ARFGAP2: variants seen among roughly 807,000 people sequenced by gnomAD.
ARFGAP2 encodes the protein ARF GTPase activating protein 2.
A neutral mutation model predicts 71.9 loss-of-function variants in ARFGAP2; 45 were observed. The ratio of observed to expected loss-of-function variants is 0.63; its 90% CI spans 0.49 to 0.80. The LOEUF is 0.80. ARFGAP2 is among the 30% of genes least tolerant of loss of function. ARFGAP2 has a pLI of 0.00. For missense variants in ARFGAP2, 633 were observed against 673.9 expected (o/e 0.94, Z 0.67); for synonymous variants, 248 against 249.2 (o/e 1.00, Z 0.05).
chr11:47,171,727 T>A lies in ARFGAP2; in HGVS notation c.746A>T (p.Gln249Leu). The change falls in exon 9 of 16, where the codon CAG (glutamine) becomes CTG (leucine). Residue 249 changes from glutamine (Q) to leucine (L), a missense_variant. By Grantham distance (113) the Gln-to-Leu change is moderately radical. Coordinates refer to ENST00000524782, the MANE Select transcript of ARFGAP2 (RefSeq NM_032389.6). ...QSFSEIERQA[Q>L]VAEKLREQQA... ...CTGCTCACGGAGCTTCTCTGCCACC[T>A]GAGCCTGCCGCTCAATCTCACTGAA... 6.2e-7 allele frequency: 1 copy of A among 1,613,976 alleles called. No individual in the cohort carries two copies. The highest frequency in any genetic ancestry group is 8.5e-7 in the Non-Finnish European group (1 of 1,180,050).
At position 47,168,116 on chromosome 11, in the gene ARFGAP2, G is replaced by A. The variant is rs1011764172; in HGVS notation, c.1070+7C>T. On this transcript the variant is annotated splice_region_variant and intron_variant, in intron 11 of 15. Coordinates refer to ENST00000524782, the MANE Select transcript of ARFGAP2 (RefSeq NM_032389.6). ...CAGCCAAGTTTACAGCTAGAAAACA[G>A]CCTTACTTTGGGGGTCCAGAGGCGA... 4 of 1,614,066 alleles carry A rather than the reference G, an allele frequency of 2.5e-6. No homozygotes were observed. Among genetic ancestry groups the A allele is most frequent in the Non-Finnish European group, 3.4e-6 (4 of 1,180,046 alleles).
At chr11:47,166,954 C>A in intron 12 of ARFGAP2, 68 bp from the exon 13 acceptor site, 1 of 1,556,270 alleles carries the variant, frequency 6.4e-7, no homozygotes, top group Non-Finnish European at 8.7e-7. Flanking sequence ...GTACAGAGGC[C>A]AAACAGAGCA....
chr11:47,166,827 C>G lies in ARFGAP2; in HGVS notation c.1265G>C (p.Arg422Pro). Reference protein sequence around the residue: ...RSSGLESSEARQKFAGAKAIS... With the variant: ...RSSGLESSEAPQKFAGAKAIS... Reference sequence around the variant, plus strand: ...GGCTTTGGCTCCTGCGAATTTCTGACGCGCCTCACTAGACTCGAGGCCTGA... The same window carrying G: ...GGCTTTGGCTCCTGCGAATTTCTGAGGCGCCTCACTAGACTCGAGGCCTGA... Residue 422 changes from arginine to proline, a missense_variant, in exon 13 of 16, where the codon CGT (arginine) becomes CCT (proline). Arg to Pro is a moderately radical substitution (Grantham distance 103). Transcript: ENST00000524782. 1 of 1,614,098 alleles carries G rather than the reference C, an allele frequency of 6.2e-7. No individual in the cohort carries two copies. Among genetic ancestry groups the G allele is most frequent in the Non-Finnish European group, 8.5e-7 (1 of 1,180,026 alleles).
Position 47,172,336 on chromosome 11 carries a change from G to C in ARFGAP2, c.620-3C>G. 6.2e-7 allele frequency: 1 copy of C among 1,614,150 alleles called. No individual in the cohort carries two copies. Among genetic ancestry groups the C allele is most frequent in the Non-Finnish European group, 8.5e-7 (1 of 1,180,028 alleles). On this transcript the variant is annotated splice_polypyrimidine_tract_variant and splice_region_variant and intron_variant, in intron 7 of 15. Transcript: ENST00000524782. ...GCCAATGATGGAGCTTTTCAGTTCT[G>C]CGTGAGAAACGGGTAGGCATGAGCT... is the stretch of plus-strand genomic sequence containing the variant.
intron 1 of ARFGAP2, 71 bp from the exon 2 acceptor site, chr11:47,176,705 CAT>C (rs765456962): frequency 3.1e-6 from 5 of 1,611,778 alleles, no homozygotes; most frequent in Non-Finnish European, 4.2e-6. Flanking sequence ...ACCCCAGAAA[CAT>C]AACCCACCTC....
At chr11:47,172,698 G>A (rs957533219) in intron 7 of ARFGAP2, 2 of 1,306,286 alleles carry the variant, frequency 1.5e-6, no homozygotes, top group African/African-American at 1.5e-5. Context: ...TCCCCAAGCA[G>A]CTGTCAGTTA....
intron 7 of ARFGAP2, chr11:47,172,846 G>C: frequency 8.7e-7 from 1 of 1,151,734 alleles, no homozygotes; most frequent in South Asian, 1.3e-5. Context: ...CCCTGCTTCA[G>C]ACCAAGCTAT....
rs769865065 is a variant in ARFGAP2, at chr11:47,171,647, C to T, written c.809+17G>A. 1.2e-5 allele frequency: 20 copies of T among 1,613,770 alleles called. No individual in the cohort carries two copies. Among genetic ancestry groups the T allele is most frequent in the Middle Eastern group, 1.6e-4 (1 of 6,062 alleles). ...CAAGCCCCGCAGAAGCCTGAGGCCC[C>T]GGCAGCAAACACTTACATGGACTCC... On this transcript the variant is annotated intron_variant, in intron 9 of 15. Transcript: ENST00000524782.
At position 47,176,441 on chromosome 11, in the gene ARFGAP2, G is replaced by A. The variant is rs899895759; in HGVS notation, c.191+75C>T. ...CGAATTCAGAGCGGCCCAAGTCGAG[G>A]CAGCCACTCTCCCTTGTTGCCCAGA... On this transcript the variant is annotated intron_variant, in intron 2 of 15. Transcript: ENST00000524782. 8.6e-6 allele frequency: 12 copies of A among 1,397,550 alleles called. No individual in the cohort carries two copies. The South Asian group carries it at 1.4e-4, about 16-fold the overall frequency. The allele number at this position is 1,397,550 out of a possible 1,614,324, so 86.6% of individuals were successfully genotyped here. A position where few individuals can be genotyped will look rare whatever the true frequency, so the allele number is the denominator to read the frequency against.
At chr11:47,172,435 C>A in intron 7 of ARFGAP2, 102 bp from the exon 8 acceptor site, 1 of 1,412,156 alleles carries the variant, frequency 7.1e-7, no homozygotes, top group Non-Finnish European at 1.0e-6. Flanking sequence ...CTAAGAACAG[C>A]TTCAGGCAAG....
intron 15 of ARFGAP2, among the ~76,000 whole-genome samples, chr11:47,165,933 C>G (rs529584145): frequency 1.9e-3 from 296 of 152,174 alleles, no homozygotes; most frequent in Non-Finnish European, 2.6e-3. Flanking sequence ...AGTGCAGTGG[C>G]ATGATCTCAG....
chr11:47,169,941 T>A (rs180854105), intron 10 of ARFGAP2, among the ~76,000 whole-genome samples: 98 of 152,310 alleles, frequency 6.4e-4, no homozygotes, highest in African/African-American at 2.3e-3. Flanking sequence ...ATTAACCCAG[T>A]CATTCCTATG....
At chr11:47,167,234 T>C (rs1356922247) in intron 12 of ARFGAP2, among the ~76,000 whole-genome samples, 1 of 152,204 alleles carries the variant, frequency 6.6e-6, no homozygotes, top group Non-Finnish European at 1.5e-5. Context: ...ACAATGAGCA[T>C]ATGTGTCGGT....
At chr11:47,174,803 G>A (rs1952734507) in intron 5 of ARFGAP2, 1 of 588,036 alleles carries the variant, frequency 1.7e-6, no homozygotes, top group African/African-American at 1.8e-5. Context: ...CCAATTTATA[G>A]GAGTCGATTT....
At chr11:47,176,255 C>T (rs1425721566) in intron 2 of ARFGAP2, 2 of 590,130 alleles carry the variant, frequency 3.4e-6, no homozygotes, top group Non-Finnish European at 6.0e-6. Flanking sequence ...CAATGCCTCC[C>T]TTTCCCCTCA....
At chr11:47,167,777 C>T (rs1952441201) in intron 12 of ARFGAP2, 132 bp downstream of exon 12, 2 of 1,173,764 alleles carry the variant, frequency 1.7e-6, no homozygotes, top group African/African-American at 1.6e-5. Flanking sequence ...TAGTGGCTAC[C>T]ATATTAAACA....
intron 13 of ARFGAP2, 44 bp from the exon 14 acceptor site, chr11:47,166,643 G>C: frequency 6.2e-7 from 1 of 1,605,946 alleles, no homozygotes; most frequent in Non-Finnish European, 8.5e-7. Flanking sequence ...TGGGGCTGAT[G>C]ACCCAAGGAC....
In ARFGAP2 at chr11:47,172,353, G is replaced by A. The variant is rs774769081; in HGVS notation, c.620-20C>T. On this transcript the variant is annotated intron_variant, in intron 7 of 15. Coordinates refer to ENST00000524782, the MANE Select transcript of ARFGAP2 (RefSeq NM_032389.6). ...TCAGTTCTGCGTGAGAAACGGGTAGGCATGAGCTAAGACAAAGGCAGCTCA... is the reference window on the plus strand; with the variant it reads ...TCAGTTCTGCGTGAGAAACGGGTAGACATGAGCTAAGACAAAGGCAGCTCA... 6.2e-7 allele frequency: 1 copy of A among 1,614,080 alleles called. No homozygotes were observed. Among genetic ancestry groups the A allele is most frequent in the Non-Finnish European group, 8.5e-7 (1 of 1,179,960 alleles).
intron 7 of ARFGAP2, chr11:47,172,673 G>A: frequency 4.6e-6 from 6 of 1,317,902 alleles, no homozygotes; most frequent in Non-Finnish European, 6.0e-6. Flanking sequence ...AGGAAGCTGA[G>A]AACAGGGGCT....
Sources: allele counts gnomAD v4.1 joint callset (sites outside exome capture counted in the v4.1 genomes callset), GRCh38; gene constraint gnomAD v4.1.1; transcripts MANE v1.5; gene names NCBI Gene and HGNC (gene_info 2026-07-23, HGNC 2026-07-21).